MROH2B: variants seen among roughly 807,000 people sequenced by gnomAD.
MROH2B encodes the protein maestro heat like repeat family member 2B, also known as maestro heat-like repeat-containing protein family member 2B.
Under a neutral mutation model 208.6 loss-of-function variants are expected in MROH2B, and 177 were observed. The observed-to-expected ratio is 0.85, with a 90% CI of 0.75 to 0.96. MROH2B has a LOEUF of 0.96. MROH2B is among the 40% of genes least tolerant of loss of function. The pLI, the probability that MROH2B is intolerant of heterozygous loss-of-function variation, is 0.00. For missense variants in MROH2B, 2,002 were observed against 1,878.7 expected (o/e 1.07, Z -1.21); for synonymous variants, 728 against 659.0 (o/e 1.10, Z -1.60).
rs1741568430 is a variant in MROH2B at position 41,005,771 on chromosome 5, C to A, written c.3750-126G>T. ...CTTGGCTGGGGGTGGTGGCTCATGC[C>A]TGTAATCCTAGAACTTTGGGAGGCC... On this transcript the variant is annotated intron_variant, in intron 34 of 41. Transcript: ENST00000399564. 4 of 788,710 alleles carry A rather than the reference C, an allele frequency of 5.1e-6. No homozygotes were observed. The South Asian group carries it at 6.7e-5, about 13-fold the overall frequency. The allele number at this position is 788,710 out of a possible 1,614,324, so 48.9% of individuals were successfully genotyped here.
At chr5:41,007,540 A>G (rs375003879) in intron 33 of MROH2B, 86 bp from the exon 34 acceptor site, 22 of 1,234,752 alleles carry the variant, frequency 1.8e-5, no homozygotes, top group South Asian at 1.1e-4. Flanking sequence ...ACTCCTCACA[A>G]TGCTTTCCCA....
intron 38 of MROH2B, 35 bp from the exon 39 acceptor site, chr5:41,000,386 A>G: frequency 6.2e-7 from 1 of 1,606,814 alleles, no homozygotes; most frequent in Non-Finnish European, 8.5e-7. Context: ...ACAGTCCAGA[A>G]CGTTAGGATC....
intron 18 of MROH2B, among the ~76,000 whole-genome samples, chr5:41,045,287 C>A (rs192458640): frequency 1.3e-5 from 2 of 152,308 alleles, no homozygotes; most frequent in South Asian, 4.1e-4. Context: ...AAACCTATTT[C>A]TTTGGGCGCC....
chr5:41,044,873 T>C (rs1416355855), intron 18 of MROH2B, among the ~76,000 whole-genome samples: 3 of 152,206 alleles, frequency 2.0e-5, no homozygotes, highest in African/African-American at 4.8e-5. Flanking sequence ...AAGCTACTTT[T>C]ATATGGAGCA....
At chr5:41,048,871 C>T (rs913481305) in intron 15 of MROH2B, among the ~76,000 whole-genome samples, 1 of 152,136 alleles carries the variant, frequency 6.6e-6, no homozygotes, top group African/African-American at 2.4e-5. Context: ...TCAATATATG[C>T]TTACTTTAAA....
At chr5:41,042,501 G>A (rs529163199) in intron 18 of MROH2B, among the ~76,000 whole-genome samples, 4 of 152,128 alleles carry the variant, frequency 2.6e-5, no homozygotes, top group Non-Finnish European at 5.9e-5. Flanking sequence ...TGGGTTCATT[G>A]TAGCAGAGGG....
At chr5:41,032,878 T>G in intron 23 of MROH2B, 57 bp from the exon 24 acceptor site, 1 of 1,570,738 alleles carries the variant, frequency 6.4e-7, no homozygotes, top group Non-Finnish European at 8.7e-7. Context: ...AGTTACCAGA[T>G]GCAGCTGCAA....
intron 5 of MROH2B, 87 bp downstream of exon 5, chr5:41,064,385 T>G: frequency 2.7e-6 from 3 of 1,104,462 alleles, no homozygotes; most frequent in South Asian, 1.4e-5. Context: ...AAGATTGGAG[T>G]TAAAGGGAAA....
At chr5:41,046,557 T>C (rs1398221919) in intron 17 of MROH2B, among the ~76,000 whole-genome samples, 2 of 152,234 alleles carry the variant, frequency 1.3e-5, no homozygotes, top group Non-Finnish European at 2.9e-5. Context: ...AAAGGATGTG[T>C]ATGCCTGTTC....
chr5:41,003,844 G>A (rs1452916253), intron 37 of MROH2B, among the ~76,000 whole-genome samples: 1 of 152,160 alleles, frequency 6.6e-6, no homozygotes, highest in Non-Finnish European at 1.5e-5. Context: ...ATACTAAAAT[G>A]TGCTTCCTGG....
chr5:41,026,277 C>T (rs562158431), intron 24 of MROH2B, among the ~76,000 whole-genome samples: 1 of 152,266 alleles, frequency 6.6e-6, no homozygotes, highest in Non-Finnish European at 1.5e-5. Context: ...GATTGTATAT[C>T]TAGAAAACCC....
intron 24 of MROH2B, among the ~76,000 whole-genome samples, chr5:41,028,095 A>T (rs1742442216): frequency 6.6e-6 from 1 of 152,168 alleles, no homozygotes; most frequent in South Asian, 2.1e-4. Flanking sequence ...GTAAATGTCG[A>T]GTTAATGGGT....
chr5:41,000,738 T>G lies in MROH2B; in HGVS notation c.4290A>C (p.Ile1430=), dbSNP rs899913169. 1.2e-6 allele frequency: 2 copies of G among 1,612,106 alleles called. No homozygotes were observed. Among genetic ancestry groups the G allele is most frequent in the Non-Finnish European group, 1.7e-6 (2 of 1,179,198 alleles). Residue 1430 remains isoleucine, a synonymous_variant, in exon 38 of 42, where the codon ATA becomes ATC. Transcript: ENST00000399564. ...RRWKIFFAEE[I]KKSLISFLLH... Reference sequence around the variant, plus strand: ...GAAGGAATGAAATCAGGCTCTTTTTTATTTCTTCAGCAAAAAAAATCTTCC... The same window carrying G: ...GAAGGAATGAAATCAGGCTCTTTTTGATTTCTTCAGCAAAAAAAATCTTCC...
chr5:41,005,414 C>CT lies in MROH2B; in HGVS notation c.3864+116_3864+117insA. ...AGTAGCTGGTCTCTCCTCTATGAAACCCCCCCCCCCCTTGAAGTCTCTCTT... is the reference window on the plus strand; with the variant it reads ...AGTAGCTGGTCTCTCCTCTATGAAACTCCCCCCCCCCCTTGAAGTCTCTCTT... On this transcript the variant is annotated intron_variant, in intron 35 of 41. Transcript: ENST00000399564. The CT allele has an allele frequency of 6.7e-5, 4 of 59,704 alleles. 1 individual carries two copies. The highest frequency in any genetic ancestry group is 3.6e-4 in the South Asian group (4 of 11,254). The allele number at this position is 59,704 out of a possible 1,614,324, so 3.7% of individuals were successfully genotyped here.
intron 2 of MROH2B, among the ~76,000 whole-genome samples, 180 bp from the exon 3 acceptor site, chr5:41,067,398 C>T (rs957676746): frequency 6.7e-6 from 1 of 149,996 alleles, no homozygotes; most frequent in Non-Finnish European, 1.5e-5. Flanking sequence ...TGGAGTTTTG[C>T]TCTTTTTGGC....
rs1257175124 is a variant in MROH2B, at chr5:41,004,413, A to G, written c.4127T>C (p.Leu1376Pro). ...GTAGAAGCTCACGTCTCGGTCTGTCAGCAGCTCCAGGATTTTTTTTAGAGC... is the reference window on the plus strand; with the variant it reads ...GTAGAAGCTCACGTCTCGGTCTGTCGGCAGCTCCAGGATTTTTTTTAGAGC... ...LKALKKILEL[L>P]TDRDVSFYFK... is the part of the protein sequence containing the mutation. The change falls in exon 37 of 42, where the codon CTG becomes CCG. Residue 1376 changes from leucine to proline, a missense_variant. Transcript: ENST00000399564. The G allele has an allele frequency of 3.7e-6, 6 of 1,613,892 alleles. No homozygotes were observed. In the Admixed American group the frequency reaches 6.7e-5, roughly 18 times the overall value.
intron 5 of MROH2B, among the ~76,000 whole-genome samples, chr5:41,063,451 T>C (rs1743702264): frequency 6.6e-6 from 1 of 152,194 alleles, no homozygotes; most frequent in Admixed American, 6.5e-5. Flanking sequence ...ACCCATCTCA[T>C]GTGGTTGCTG....
chr5:41,016,864 C>T (rs1579913883), intron 28 of MROH2B, among the ~76,000 whole-genome samples: 1 of 151,986 alleles, frequency 6.6e-6, no homozygotes, highest in Non-Finnish European at 1.5e-5. Flanking sequence ...AATTATCTTC[C>T]TATATCCCAA....
intron 15 of MROH2B, 24 bp downstream of exon 15, chr5:41,049,077 T>C: frequency 6.3e-7 from 1 of 1,580,520 alleles, no homozygotes; most frequent in East Asian, 2.3e-5. Context: ...TTTGTTCTAC[T>C]TTGGTTCTTA....
Sources: gnomAD v4.1 joint callset for allele counts (sites outside exome capture counted in the v4.1 genomes callset) on GRCh38, gnomAD v4.1.1 for gene constraint, MANE v1.5 for transcripts, NCBI Gene and HGNC (gene_info 2026-07-23, HGNC 2026-07-21) for gene names.